Variants in RBFOX1 observed in about 807,000 individuals in gnomAD.
RBFOX1 encodes the protein RNA binding protein fox-1 homolog 1.
In RBFOX1, 8 loss-of-function variants were observed where a neutral mutation model predicts 57.7. The ratio of observed to expected loss-of-function variants is 0.14; its 90% CI spans 0.08 to 0.25. The LOEUF is 0.25. RBFOX1 is among the 10% of genes least tolerant of loss of function. The pLI is 1.00. For synonymous variants in RBFOX1, 326 were observed against 222.4 expected (o/e 1.47, Z -4.15); for missense variants, 611 against 548.5 (o/e 1.11, Z -1.14).
At chr16:6,768,103 A>C (rs2077665410) in intron 3 of RBFOX1, among the ~76,000 whole-genome samples, 2 of 151,886 alleles carry the variant, frequency 1.3e-5, no homozygotes, top group Admixed American at 1.3e-4. Context: ...CCACTGATAA[A>C]GGTGGATTTG....
intron 1 of RBFOX1, among the ~76,000 whole-genome samples, chr16:5,389,034 A>G (rs2066331452): frequency 6.6e-6 from 1 of 151,294 alleles, no homozygotes. Context: ...TAGTAAAAAT[A>G]CAAAAAATTA....
chr16:6,572,623 C>A (rs1003210797), intron 2 of RBFOX1, among the ~76,000 whole-genome samples: 1 of 151,692 alleles, frequency 6.6e-6, no homozygotes, highest in Non-Finnish European at 1.5e-5. Flanking sequence ...GACAGAGTCT[C>A]ACTCTGTCAC....
At chr16:6,623,229 C>T (rs143487398) in intron 2 of RBFOX1, among the ~76,000 whole-genome samples, 268 of 152,134 alleles carry the variant, frequency 1.8e-3, no homozygotes, top group African/African-American at 6.1e-3. Flanking sequence ...TTGAGATTAT[C>T]TGGGAGGGGG....
intron 3 of RBFOX1, among the ~76,000 whole-genome samples, chr16:6,990,479 C>G (rs918483377): frequency 1.3e-5 from 2 of 151,970 alleles, no homozygotes; most frequent in African/African-American, 2.4e-5. Flanking sequence ...GAGTTGAGAT[C>G]TCGCCACTGC....
chr16:6,829,068 A>G (rs1449317562), intron 3 of RBFOX1, among the ~76,000 whole-genome samples: 2 of 152,158 alleles, frequency 1.3e-5, no homozygotes, highest in African/African-American at 4.8e-5. Context: ...TGCCGGGATC[A>G]GGGTCCCACC....
chr16:7,709,726 G>T (rs2083629425), intron 15 of RBFOX1: 1 of 811,752 alleles, frequency 1.2e-6, no homozygotes. Context: ...TTGTTTTGGG[G>T]CAGGTCTGGG....
chr16:6,529,854 CAG>C (rs1446435428), intron 2 of RBFOX1, among the ~76,000 whole-genome samples: 1 of 152,058 alleles, frequency 6.6e-6, no homozygotes, highest in Non-Finnish European at 1.5e-5. Context: ...GTTTATTGAA[CAG>C]AGTCAGCTCA....
At chr16:7,210,605 C>T (rs1250857603) in intron 4 of RBFOX1, among the ~76,000 whole-genome samples, 1 of 146,442 alleles carries the variant, frequency 6.8e-6, no homozygotes, top group Admixed American at 6.7e-5. Context: ...CATACTGATG[C>T]TAATGTTGAT....
chr16:7,202,354 T>C (rs947936904), intron 4 of RBFOX1, among the ~76,000 whole-genome samples: 1 of 148,356 alleles, frequency 6.7e-6, no homozygotes, highest in East Asian at 2.0e-4. Flanking sequence ...TGTGGAAAAA[T>C]TGGACCCATT....
intron 3 of RBFOX1, among the ~76,000 whole-genome samples, chr16:6,937,690 T>G (rs1488263802): frequency 6.6e-6 from 1 of 152,036 alleles, no homozygotes; most frequent in Non-Finnish European, 1.5e-5. Context: ...TATTGGCAAT[T>G]GGTTAAAAGA....
intron 3 of RBFOX1, among the ~76,000 whole-genome samples, 154 bp from the exon 4 acceptor site, chr16:7,051,903 T>C (rs1350614768): frequency 6.6e-6 from 1 of 152,186 alleles, no homozygotes; most frequent in Non-Finnish European, 1.5e-5. Context: ...AAGTGAAGCT[T>C]GAGCTATGTA....
intron 3 of RBFOX1, among the ~76,000 whole-genome samples, chr16:5,786,986 A>G (rs1046212917): frequency 6.6e-6 from 1 of 152,116 alleles, no homozygotes; most frequent in African/African-American, 2.4e-5. Flanking sequence ...AAACACAAAG[A>G]TTAACTGGGC....
intron 4 of RBFOX1, among the ~76,000 whole-genome samples, chr16:7,089,352 T>G (rs2060462118): frequency 6.6e-6 from 1 of 152,150 alleles, no homozygotes; most frequent in South Asian, 2.1e-4. Context: ...TTTTTGACAG[T>G]GGAGGTTGAA....
At chr16:6,964,227 C>A (rs1194984415) in intron 3 of RBFOX1, among the ~76,000 whole-genome samples, 2 of 151,706 alleles carry the variant, frequency 1.3e-5, no homozygotes, top group Non-Finnish European at 2.9e-5. Flanking sequence ...CCTTGTTGGC[C>A]AGGCTGGTCT....
intron 4 of RBFOX1, among the ~76,000 whole-genome samples, chr16:5,990,378 C>T (rs1000836244): frequency 2.6e-5 from 4 of 152,182 alleles, no homozygotes; most frequent in African/African-American, 9.7e-5. Context: ...CATTATATAC[C>T]ATAGGCTGAG....
chr16:6,716,154 T>G (rs1257914115), intron 3 of RBFOX1, among the ~76,000 whole-genome samples: 3 of 152,230 alleles, frequency 2.0e-5, no homozygotes, highest in Non-Finnish European at 2.9e-5. Flanking sequence ...TTAGATAGGT[T>G]GCTTTATTTG....
chr16:6,733,012 G>C (rs537967547), intron 3 of RBFOX1, among the ~76,000 whole-genome samples: 16 of 152,204 alleles, frequency 1.1e-4, no homozygotes, highest in Non-Finnish European at 2.4e-4. Flanking sequence ...TTTTTTAAAG[G>C]TTAGGTACAT....
At chr16:7,032,902 C>A (rs138139472) in intron 3 of RBFOX1, among the ~76,000 whole-genome samples, 3 of 152,262 alleles carry the variant, frequency 2.0e-5, no homozygotes, top group Non-Finnish European at 4.4e-5. Context: ...GAGCATGTCT[C>A]TCTTTTGGGA....
At chr16:6,972,949 C>A (rs1183638088) in intron 3 of RBFOX1, among the ~76,000 whole-genome samples, 1 of 152,190 alleles carries the variant, frequency 6.6e-6, no homozygotes, top group South Asian at 2.1e-4. Flanking sequence ...CATGGTGAAA[C>A]CCCATCTCAA....
Sources: allele counts gnomAD v4.1 joint callset (sites outside exome capture counted in the v4.1 genomes callset), GRCh38; gene constraint gnomAD v4.1.1; transcripts MANE v1.5; gene names NCBI Gene and HGNC (gene_info 2026-07-23, HGNC 2026-07-21).